The following ITPKB variants were observed in gnomAD, a reference collection of about 807,000 sequenced individuals.
ITPKB encodes the protein IP3 3-kinase B.
ITPKB carries 13 observed loss-of-function variants against 69.4 expected under a neutral mutation model. The observed-to-expected ratio is 0.19, with a 90% CI of 0.12 to 0.30. ITPKB has a LOEUF of 0.30. Among genes scored for constraint, ITPKB ranks in the 10% least tolerant of loss-of-function variants. The pLI is 1.00. For missense variants in ITPKB, 1,240 were observed against 1,250.5 expected (o/e 0.99, Z 0.13); for synonymous variants, 584 against 513.7 (o/e 1.14, Z -1.85).
At chr1:226,711,438 A>AGTGT (rs1474794768) in intron 2 of ITPKB, among the ~76,000 whole-genome samples, 44 of 116,168 alleles carry the variant, frequency 3.8e-4, no homozygotes, top group African/African-American at 1.3e-3. Context: ...AGAGAGAGAG[A>AGTGT]GAGAGTGTGT....
rs759742823 is a variant in ITPKB at position 226,634,937 on chromosome 1, C to G, written c.2626-51G>C. The G allele has an allele frequency of 6.9e-7, 1 of 1,454,508 alleles. No homozygotes were observed. Among genetic ancestry groups the G allele is most frequent in the South Asian group, 1.2e-5 (1 of 80,278 alleles). The allele number at this position is 1,454,508 out of a possible 1,614,324, so 90.1% of individuals were successfully genotyped here. ...TGAGCTGAAGCCCGGGCCTCGCCCT[C>G]CCCACTGCGGCCCGGGGCCTGGGTG... On this transcript the variant is annotated intron_variant, in intron 7 of 7. Transcript: ENST00000429204. The surrounding 1 kb of genome is among the most constrained non-coding windows in gnomAD (Gnocchi z 6.3).
chr1:226,703,663 G>C (rs1571865956), intron 2 of ITPKB, among the ~76,000 whole-genome samples: 1 of 152,344 alleles, frequency 6.6e-6, no homozygotes, highest in Non-Finnish European at 1.5e-5. Context: ...TAGCGGGCCC[G>C]CAGCAGAGGC....
rs199875970 is a variant in ITPKB, at chr1:226,736,136, G to T, written c.1323C>A (p.Asp441Glu). The part of the protein sequence containing the change: ...PVGGGRWQLS[D>E]RVEGGSPTLG... ...GCGTTGGGGACCCTCCCTCCACTCT[G>T]TCGGAGAGCTGCCAACGCCCCCCGC... is the stretch of plus-strand genomic sequence containing the variant. The change falls in exon 2 of 8, where the codon GAC (aspartate) becomes GAA (glutamate). Residue 441 changes from aspartate (D) to glutamate (E), a missense_variant. Asp to Glu is a conservative substitution (Grantham distance 45, BLOSUM62 2). Around this residue, in one of 2 missense-constraint regions of ITPKB, gnomAD observed 992 missense variants for 853.8 expected, o/e 1.16. Coordinates refer to ENST00000429204, the MANE Select transcript of ITPKB (RefSeq NM_002221.4). 91 of 1,577,390 alleles carry T rather than the reference G, an allele frequency of 5.8e-5. No homozygotes were observed. The highest frequency in any genetic ancestry group is 4.9e-5 in the Non-Finnish European group (57 of 1,160,634).
intron 2 of ITPKB, among the ~76,000 whole-genome samples, chr1:226,708,860 C>G (rs749664576): frequency 6.6e-6 from 1 of 152,246 alleles, no homozygotes. Flanking sequence ...AGGCAGCAAG[C>G]CTGAGCAGCT....
chr1:226,735,968 G>C lies in ITPKB; in HGVS notation c.1491C>G (p.Asp497Glu), dbSNP rs530493513. ...AGTTCCCAGGCTGCACACCCACCCTGTCCCCAGGAGGGCACTGAGGTTCTT... is the reference window on the plus strand; with the variant it reads ...AGTTCCCAGGCTGCACACCCACCCTCTCCCCAGGAGGGCACTGAGGTTCTT... ...DLKEPQCPPG[D>E]RVGVQPGNSR... Residue 497 changes from aspartate (D) to glutamate (E), a missense_variant, in exon 2 of 8, where the codon GAC (aspartate) becomes GAG (glutamate). By Grantham distance (45) the Asp-to-Glu change is conservative. Coordinates refer to ENST00000429204, the MANE Select transcript of ITPKB (RefSeq NM_002221.4). 6 of 1,614,026 alleles carry C rather than the reference G, an allele frequency of 3.7e-6. No homozygotes were observed. The highest frequency in any genetic ancestry group is 2.2e-5 in the South Asian group (2 of 91,078).
chr1:226,717,229 A>G (rs1341292087), intron 2 of ITPKB, among the ~76,000 whole-genome samples: 1 of 152,218 alleles, frequency 6.6e-6, no homozygotes, highest in African/African-American at 2.4e-5. Context: ...CTCCTGAGAC[A>G]GGAGTTAAAA....
Position 226,738,931 on chromosome 1 carries a change from C to T in ITPKB, c.-206+110G>A, listed in dbSNP as rs36105915. On this transcript the variant is annotated intron_variant, in intron 1 of 7. Coordinates refer to ENST00000429204, the MANE Select transcript of ITPKB (RefSeq NM_002221.4). This position sits in a 1 kb window ranked among gnomAD's most constrained non-coding sequence, Gnocchi z 4.2. ...CCCCTTCCCTGCCTCCCCAGCCCAC[C>T]CCTTTGCCCTGTTTCGGAACCAGGA... The T allele has an allele frequency of 0.01, 1,564 of 152,434 alleles. 12 individuals carry two copies. The highest frequency in any genetic ancestry group is 0.044 in the Middle Eastern group (13 of 296). 9.4% of individuals were successfully genotyped at this position (152,434 alleles called of 1,614,324 possible).
intron 1 of ITPKB, 54 bp from the exon 2 acceptor site, chr1:226,737,717 TG>T (rs1376862193): frequency 1.5e-5 from 7 of 479,996 alleles, no homozygotes; most frequent in African/African-American, 2.1e-5. Flanking sequence ...CGGGGGGAGT[TG>T]GGGGTCGCCT....
rs186807429 is a variant in ITPKB at position 226,702,702 on chromosome 1, G to C, written c.1932+32825C>G. Among the ~76,000 whole-genome samples the C allele has an allele frequency of 2.8e-3, 419 of 152,324 alleles. 1 individual carries two copies. Among genetic ancestry groups the C allele is most frequent in the Non-Finnish European group, 5.0e-3 (338 of 68,030 alleles). ...ATGGTAATGAAGACCCATTGGGAGGGTGCCTTCCCATTTTGTCAGTCTAGG... is the reference window on the plus strand; with the variant it reads ...ATGGTAATGAAGACCCATTGGGAGGCTGCCTTCCCATTTTGTCAGTCTAGG... On this transcript the variant is annotated intron_variant, in intron 2 of 7. Transcript: ENST00000429204.
At chr1:226,700,527 A>G (rs990632568) in intron 2 of ITPKB, among the ~76,000 whole-genome samples, 3 of 149,492 alleles carry the variant, frequency 2.0e-5, no homozygotes, top group African/African-American at 7.3e-5. Flanking sequence ...AATCCAATCA[A>G]GTTGACACTC....
At chr1:226,679,576 C>T (rs1326473505) in intron 2 of ITPKB, among the ~76,000 whole-genome samples, 1 of 152,194 alleles carries the variant, frequency 6.6e-6, no homozygotes, top group Non-Finnish European at 1.5e-5. Context: ...CGATATTCTA[C>T]CTCCCTTTTG....
rs553214306 is a variant in ITPKB at position 226,632,686 on chromosome 1, CA to C, written c.*1984del. 1.1e-4 allele frequency: 17 copies of C among 152,658 alleles called. No homozygotes were observed. Among genetic ancestry groups the C allele is most frequent in the Admixed American group, 5.9e-4 (9 of 15,292 alleles). 9.5% of individuals were successfully genotyped at this position (152,658 alleles called of 1,614,324 possible). On this transcript the variant is annotated 3_prime_UTR_variant, in exon 8 of 8. Transcript: ENST00000429204. ...CATTTGCATATTAGCACATTGTTTG[CA>C]AACAGCTGGTGTCTGCCTAAAGTGC...
chr1:226,642,379 C>T lies in ITPKB; in HGVS notation c.2247-254G>A, dbSNP rs187185449. 5.9e-5 allele frequency among the ~76,000 whole-genome samples: 9 copies of T among 151,956 alleles called. 1 individual carries two copies. The highest frequency in any genetic ancestry group is 3.9e-4 in the Admixed American group (6 of 15,270). ...ATAAGGGAGTCTCGCTATGTTGCCC[C>T]GGCTGGTCTCAAACTTCTAGCCTCA... On this transcript the variant is annotated intron_variant, in intron 4 of 7. Transcript: ENST00000429204. This position sits in a 1 kb window ranked among gnomAD's most constrained non-coding sequence, Gnocchi z 6.4.
intron 2 of ITPKB, among the ~76,000 whole-genome samples, chr1:226,734,665 A>G (rs1657693281): frequency 6.6e-6 from 1 of 152,224 alleles, no homozygotes; most frequent in Admixed American, 6.5e-5. Context: ...GAGTAAAAGC[A>G]GCCTACAAGT....
At chr1:226,689,567 A>G (rs1396616448) in intron 2 of ITPKB, among the ~76,000 whole-genome samples, 5 of 93,722 alleles carry the variant, frequency 5.3e-5, no homozygotes, top group African/African-American at 2.1e-4. Flanking sequence ...GGAAGGTTTT[A>G]TTTGTGTGTG....
At chr1:226,711,442 A>AGTGTGTGTGTGT (rs57531406) in intron 2 of ITPKB, among the ~76,000 whole-genome samples, 3 of 102,292 alleles carry the variant, frequency 2.9e-5, no homozygotes, top group African/African-American at 1.2e-4. Flanking sequence ...AGAGAGAGAG[A>AGTGTGTGTGTGT]GTGTGTGTGT....
intron 2 of ITPKB, among the ~76,000 whole-genome samples, chr1:226,712,598 G>A (rs1656988911): frequency 6.6e-6 from 1 of 152,206 alleles, no homozygotes; most frequent in Non-Finnish European, 1.5e-5. Flanking sequence ...GCGCTCGGCT[G>A]GAAGGAAGTG....
At chr1:226,649,362 A>ATGTGTGTGCATGTGATTGTGTGCATG (rs35351352) in intron 2 of ITPKB, among the ~76,000 whole-genome samples, 2 of 120,734 alleles carry the variant, frequency 1.7e-5, no homozygotes, top group South Asian at 2.8e-4. Context: ...ATATATGTGC[A>ATGTGTGTGCATGTGATTGTGTGCATG]TGTGTGCATG....
At chr1:226,687,870 G>A (rs3768392) in intron 2 of ITPKB, among the ~76,000 whole-genome samples, 3 of 152,180 alleles carry the variant, frequency 2.0e-5, no homozygotes, top group Non-Finnish European at 2.9e-5. Context: ...TACTGCTTCC[G>A]AGTTTCCTCA....
Sources: gnomAD v4.1 joint callset for allele counts (sites outside exome capture counted in the v4.1 genomes callset) on GRCh38, gnomAD v4.1.1 for gene constraint, gnomAD v4.1.1 regional missense constraint, Gnocchi (gnomAD v3.1) non-coding constraint, MANE v1.5 for transcripts, NCBI Gene and HGNC (gene_info 2026-07-23, HGNC 2026-07-21) for gene names.